GABPB1: variants seen among roughly 807,000 people sequenced by gnomAD.
The protein encoded by GABPB1 is GA-binding protein subunit beta-1.
Under a neutral mutation model 45.9 loss-of-function variants are expected in GABPB1, and 15 were observed. The observed-to-expected ratio is 0.33, with a 90% confidence interval of 0.22 to 0.50. The LOEUF (loss-of-function observed/expected upper bound fraction) is 0.50, where lower values mean the gene tolerates loss of function less well. Ranked by LOEUF, GABPB1 falls within the 20% of genes least tolerant of loss-of-function variation. The pLI, the probability that GABPB1 is intolerant of heterozygous loss-of-function variation, is 0.98. For missense variants in GABPB1, 252 were observed against 457.5 expected (o/e 0.55, Z 4.10); for synonymous variants, 143 against 154.4 (o/e 0.93, Z 0.55).
chr15:50,307,243 G>C lies in GABPB1; in HGVS notation c.108+2448C>G, dbSNP rs564146965. Among the ~76,000 whole-genome samples the C allele has an allele frequency of 8.5e-5, 13 of 152,208 alleles. No individual in the cohort carries two copies. In the South Asian group the frequency reaches 1.0e-3, roughly 12 times the overall value. On this transcript the variant is annotated intron_variant, in intron 2 of 8. Transcript: ENST00000380877. ...GCCTTGGTACTGCTCAACTGTTTTT[G>C]CTAATCTGGTGGATATATAATAGTA...
chr15:50,283,517 T>A (rs534737606), intron 8 of GABPB1, among the ~76,000 whole-genome samples: 1 of 147,826 alleles, frequency 6.8e-6, no homozygotes, highest in African/African-American at 2.7e-5. Flanking sequence ...TAGCACCTTA[T>A]TGTTTTTTTT....
At chr15:50,353,409 A>G (rs1024178065) in intron 1 of GABPB1, 7 of 152,096 alleles carry the variant, frequency 4.6e-5, no homozygotes, top group African/African-American at 1.7e-4. Flanking sequence ...TTAAAAAAGT[A>G]TGAGTGTACA....
chr15:50,337,713 G>A (rs2048198996), intron 1 of GABPB1, among the ~76,000 whole-genome samples: 1 of 152,104 alleles, frequency 6.6e-6, no homozygotes, highest in Non-Finnish European at 1.5e-5. Flanking sequence ...CCTGCAGTGA[G>A]CTGAGATTGC....
intron 1 of GABPB1, among the ~76,000 whole-genome samples, chr15:50,343,771 T>C (rs2048467541): frequency 6.6e-6 from 1 of 152,132 alleles, no homozygotes; most frequent in Non-Finnish European, 1.5e-5. Context: ...TCTCCTGACC[T>C]CATGATCTGC....
chr15:50,323,593 C>T (rs1438577157), intron 1 of GABPB1, among the ~76,000 whole-genome samples: 1 of 152,164 alleles, frequency 6.6e-6, no homozygotes, highest in Admixed American at 6.5e-5. Flanking sequence ...GGCAATTAGC[C>T]AGGCACAGTT....
chr15:50,279,946 C>T (rs1025132549), intron 8 of GABPB1, among the ~76,000 whole-genome samples: 4 of 152,118 alleles, frequency 2.6e-5, no homozygotes, highest in Admixed American at 2.6e-4. Flanking sequence ...CCATTGTGAA[C>T]ACCAAAGGAT....
Position 50,332,148 on chromosome 15 carries a change from T to C in GABPB1, c.1-22350A>G, listed in dbSNP as rs2047970075. Among the ~76,000 whole-genome samples the C allele has an allele frequency of 2.0e-5, 3 of 152,176 alleles. No homozygotes were observed. The South Asian group carries it at 6.2e-4, about 32-fold the overall frequency. ...CCTCGGCCTCCCAAAGTGCTGAGAT[T>C]ATAGGTATGAGCCACCGTGCCCAGC... On this transcript the variant is annotated intron_variant, in intron 1 of 8. Transcript: ENST00000380877.
chr15:50,324,540 CTTTTTTT>C (rs575280667), intron 1 of GABPB1, among the ~76,000 whole-genome samples: 1 of 114,212 alleles, frequency 8.8e-6, no homozygotes, highest in Non-Finnish European at 1.7e-5. Flanking sequence ...GTCTCCGTGG[CTTTTTTT>C]TTTTTTTTTT....
intron 1 of GABPB1, among the ~76,000 whole-genome samples, chr15:50,312,476 T>A (rs2047166498): frequency 6.6e-6 from 1 of 152,210 alleles, no homozygotes; most frequent in Non-Finnish European, 1.5e-5. Flanking sequence ...TGATCTCCAA[T>A]GAGGCATTTT....
At chr15:50,354,637 C>T (rs1289331096) in intron 1 of GABPB1, 1 of 438,422 alleles carries the variant, frequency 2.3e-6, no homozygotes, top group Non-Finnish European at 4.5e-6. Flanking sequence ...GACCCCATCG[C>T]CACCCCGGGG....
chr15:50,285,900 T>G (rs1395721086), intron 8 of GABPB1, 168 bp downstream of exon 8: 89 of 1,364,682 alleles, frequency 6.5e-5, no homozygotes, highest in Non-Finnish European at 8.2e-5. Context: ...CAATATTTAT[T>G]TATTGAGGGC....
chr15:50,277,076 TAACA>T lies in GABPB1; in HGVS notation c.*1552_*1555del, dbSNP rs1488871264. ...CAGACCATAGACCCCTTTATTACAT[TAACA>T]AATATACTGGTAATTCCAGTGAAAG... On this transcript the variant is annotated 3_prime_UTR_variant, in exon 9 of 9. Coordinates refer to ENST00000380877, the MANE Select transcript of GABPB1 (RefSeq NM_016654.5). 1.3e-5 allele frequency: 2 copies of T among 152,168 alleles called. No homozygotes were observed. Among genetic ancestry groups the T allele is most frequent in the African/African-American group, 4.8e-5 (2 of 41,438 alleles). 9.4% of individuals were successfully genotyped at this position (152,168 alleles called of 1,614,324 possible). A position where few individuals can be genotyped will look rare whatever the true frequency, so the allele number is the denominator to read the frequency against.
intron 1 of GABPB1, among the ~76,000 whole-genome samples, 180 bp from the exon 2 acceptor site, chr15:50,309,978 C>T (rs2047075570): frequency 6.6e-6 from 1 of 152,160 alleles, no homozygotes; most frequent in Non-Finnish European, 1.5e-5. Flanking sequence ...TTTTAGAATC[C>T]ATTTTCCTTT....
chr15:50,303,218 C>T (rs2046819547), intron 3 of GABPB1, 95 bp from the exon 4 acceptor site: 1 of 941,420 alleles, frequency 1.1e-6, no homozygotes, highest in Admixed American at 2.5e-5. Context: ...AAAGCAAGAA[C>T]AAATAATGTA....
intron 1 of GABPB1, among the ~76,000 whole-genome samples, chr15:50,332,466 C>A (rs1485778969): frequency 6.6e-6 from 1 of 151,958 alleles, no homozygotes; most frequent in Non-Finnish European, 1.5e-5. Flanking sequence ...TTTTTTAAAT[C>A]TTTTTTTAGA....
intron 1 of GABPB1, chr15:50,350,151 T>A (rs540683595): frequency 7.9e-5 from 12 of 152,076 alleles, no homozygotes; most frequent in African/African-American, 2.7e-4. Context: ...TTTTACCATA[T>A]AATGATCAAT....
chr15:50,309,344 A>G (rs58903525), intron 2 of GABPB1, among the ~76,000 whole-genome samples: 11,614 of 152,194 alleles, frequency 0.076, 1,340 homozygotes, highest in African/African-American at 0.25. Flanking sequence ...CACTAACTCC[A>G]ATCTTTATCA....
At chr15:50,349,449 A>C (rs2048739209) in intron 1 of GABPB1, 1 of 152,214 alleles carries the variant, frequency 6.6e-6, no homozygotes. Context: ...TATTATAATA[A>C]TCCACATTTT....
At chr15:50,289,772 C>CTTTTTTA in intron 6 of GABPB1, 104 bp from the exon 7 acceptor site, 6 of 749,938 alleles carry the variant, frequency 8.0e-6, no homozygotes, top group Non-Finnish European at 1.2e-5. Flanking sequence ...TCTTTCTTTT[C>CTTTTTTA]TTTTTTCTTT....
Sources: gnomAD v4.1 joint callset for allele counts (sites outside exome capture counted in the v4.1 genomes callset) on GRCh38, gnomAD v4.1.1 for gene constraint, MANE v1.5 for transcripts, NCBI Gene and HGNC (gene_info 2026-07-23, HGNC 2026-07-21) for gene names.